The following FCHO2 variants were observed in gnomAD, a reference collection of about 807,000 sequenced individuals.
FCHO2 encodes F-BAR domain only protein 2.
Under a neutral mutation model 114.1 loss-of-function variants are expected in FCHO2, and 43 were observed. The observed-to-expected ratio is 0.38, with a 90% CI of 0.30 to 0.49. The LOEUF is 0.49. FCHO2 is among the 20% of genes least tolerant of loss of function. The pLI is 0.97. For missense variants in FCHO2, 807 were observed against 950.4 expected (o/e 0.85, Z 1.98); for synonymous variants, 293 against 315.2 (o/e 0.93, Z 0.75).
intron 10 of FCHO2, chr5:73,038,116 G>A (rs1317147706): frequency 6.5e-6 from 1 of 153,162 alleles, no homozygotes; most frequent in African/African-American, 2.4e-5. Flanking sequence ...TAATAAACAT[G>A]TAAGAAATTG....
At chr5:73,025,498 C>G (rs1198056060) in intron 8 of FCHO2, among the ~76,000 whole-genome samples, 1 of 151,792 alleles carries the variant, frequency 6.6e-6, no homozygotes, top group Non-Finnish European at 1.5e-5. Context: ...CTTGCCTCAT[C>G]CTCCCTAATA....
chr5:72,998,435 C>T (rs1021069331), intron 5 of FCHO2, among the ~76,000 whole-genome samples: 2 of 151,136 alleles, frequency 1.3e-5, no homozygotes, highest in East Asian at 1.9e-4. Flanking sequence ...TGCAGTGAGC[C>T]GAGATCGAGC....
chr5:73,013,686 A>G (rs2112734935), intron 6 of FCHO2, among the ~76,000 whole-genome samples: 1 of 152,158 alleles, frequency 6.6e-6, no homozygotes, highest in East Asian at 1.9e-4. Context: ...TTTTTTCTCC[A>G]AGATGGAGTC....
intron 8 of FCHO2, among the ~76,000 whole-genome samples, chr5:73,018,704 A>G (rs1395576521): frequency 1.3e-5 from 2 of 152,178 alleles, no homozygotes; most frequent in African/African-American, 4.8e-5. Context: ...GATCAGTGTC[A>G]GACATTCTTC....
chr5:73,008,546 A>G (rs901599531), intron 6 of FCHO2, among the ~76,000 whole-genome samples: 1 of 152,186 alleles, frequency 6.6e-6, no homozygotes, highest in African/African-American at 2.4e-5. Flanking sequence ...AATTTTGAAC[A>G]TGTTAATTTT....
At chr5:73,086,673 T>C (rs1382347281) in intron 24 of FCHO2, among the ~76,000 whole-genome samples, 1 of 152,224 alleles carries the variant, frequency 6.6e-6, no homozygotes, top group Non-Finnish European at 1.5e-5. Flanking sequence ...ACCTTGCATC[T>C]TGTGCTTCTC....
chr5:72,961,614 G>A (rs1427478308), intron 1 of FCHO2, among the ~76,000 whole-genome samples: 1 of 149,032 alleles, frequency 6.7e-6, no homozygotes, highest in Middle Eastern at 3.3e-3. Context: ...TTTTTTTTGA[G>A]ACGGAGTTTC....
chr5:72,975,313 A>G (rs1289821482), intron 2 of FCHO2, among the ~76,000 whole-genome samples: 1 of 152,132 alleles, frequency 6.6e-6, no homozygotes, highest in Non-Finnish European at 1.5e-5. Context: ...TAAACTTTGT[A>G]TACATTATCT....
Position 72,974,903 on chromosome 5 carries a change from T to A in FCHO2, c.125+6314T>A, listed in dbSNP as rs1380732704. 3.3e-5 allele frequency among the ~76,000 whole-genome samples: 5 copies of A among 152,190 alleles called. No individual in the cohort carries two copies. The South Asian group carries it at 8.3e-4, about 25-fold the overall frequency. On this transcript the variant is annotated intron_variant, in intron 2 of 25. Coordinates refer to ENST00000430046, the MANE Select transcript of FCHO2 (RefSeq NM_138782.3). ...AGCTCTTGTAGGGCAGGCCTGCTGG[T>A]GACAAAATCTCTCAGCATTTGCTTG...
At chr5:73,022,548 T>C (rs895559797) in intron 8 of FCHO2, among the ~76,000 whole-genome samples, 2 of 152,224 alleles carry the variant, frequency 1.3e-5, no homozygotes, top group African/African-American at 2.4e-5. Flanking sequence ...TCATGGCAGA[T>C]ACCGTTGCTA....
chr5:72,956,663 C>G (rs1228117481), intron 1 of FCHO2, among the ~76,000 whole-genome samples: 1 of 152,150 alleles, frequency 6.6e-6, no homozygotes, highest in Non-Finnish European at 1.5e-5. Context: ...CTCTCAGCCT[C>G]GCAGCTCGGC....
Position 73,088,165 on chromosome 5 carries a change from A to G in FCHO2, c.*75A>G, listed in dbSNP as rs1743373557. 1 of 1,575,784 alleles carries G rather than the reference A, an allele frequency of 6.3e-7. No homozygotes were observed. On this transcript the variant is annotated 3_prime_UTR_variant, in exon 26 of 26. Transcript: ENST00000430046. ...GCATTATCTGTTCTTTCCAAACACT[A>G]TTTTAACTTGTATGATGTCTTTCAA... is the stretch of plus-strand genomic sequence containing the variant.
chr5:72,989,423 A>G lies in FCHO2; in HGVS notation c.126-4A>G. The G allele has an allele frequency of 6.3e-7, 1 of 1,599,894 alleles. No homozygotes were observed. The highest frequency in any genetic ancestry group is 8.5e-7 in the Non-Finnish European group (1 of 1,172,226). On this transcript the variant is annotated splice_region_variant and splice_polypyrimidine_tract_variant and intron_variant, in intron 2 of 25. Coordinates refer to ENST00000430046, the MANE Select transcript of FCHO2 (RefSeq NM_138782.3). The stretch of plus-strand genomic sequence containing the variant: ...TATTATGATGTGGATATTTGATTTA[A>G]CAGAGCTACCATAGAGGAGGCATAC...
chr5:73,004,905 A>G (rs1295495369), intron 5 of FCHO2, among the ~76,000 whole-genome samples: 1 of 152,224 alleles, frequency 6.6e-6, no homozygotes, highest in Non-Finnish European at 1.5e-5. Context: ...TTATGTATGT[A>G]TAGGAAAAAA....
intron 17 of FCHO2, among the ~76,000 whole-genome samples, chr5:73,059,058 GTTTT>G (rs1580182310): frequency 6.6e-6 from 1 of 152,110 alleles, no homozygotes. Flanking sequence ...GTTGATAAAT[GTTTT>G]TTAGTTGTTT....
intron 2 of FCHO2, among the ~76,000 whole-genome samples, chr5:72,969,664 A>C (rs1752409007): frequency 6.6e-6 from 1 of 152,194 alleles, no homozygotes; most frequent in African/African-American, 2.4e-5. Flanking sequence ...TAGTCACCTT[A>C]AGAAGTCCAG....
rs575066653 is a variant in FCHO2, at chr5:73,024,478, C to T, written c.796+7170C>T. 2.9e-4 allele frequency among the ~76,000 whole-genome samples: 44 copies of T among 151,276 alleles called. 1 individual carries two copies. In the East Asian group the frequency reaches 7.2e-3, roughly 25 times the overall value. The stretch of plus-strand genomic sequence containing the variant: ...TTTTGGAGTCGGAGTCTCGCTCCGT[C>T]GCCCAGGCTGGAGTGCAGTGGCATG... On this transcript the variant is annotated intron_variant, in intron 8 of 25. Coordinates refer to ENST00000430046, the MANE Select transcript of FCHO2 (RefSeq NM_138782.3).
Position 73,088,760 on chromosome 5 carries a change from CAGTT to C in FCHO2, c.*676_*679del, listed in dbSNP as rs1383285627. The C allele has an allele frequency of 5.2e-5, 8 of 152,554 alleles. No individual in the cohort carries two copies. The highest frequency in any genetic ancestry group is 1.2e-4 in the African/African-American group (5 of 41,430). The allele number at this position is 152,554 out of a possible 1,614,324, so 9.5% of individuals were successfully genotyped here. Reference sequence around the variant, plus strand: ...ATGACAGCAGAGACATTTACTTCTGCAGTTAGTTAACTTTATAGGAGTTGTGATT... The same window carrying C: ...ATGACAGCAGAGACATTTACTTCTGCAGTTAACTTTATAGGAGTTGTGATT... On this transcript the variant is annotated 3_prime_UTR_variant, in exon 26 of 26. Transcript: ENST00000430046.
At chr5:72,998,836 T>G (rs957267011) in intron 5 of FCHO2, among the ~76,000 whole-genome samples, 2 of 151,632 alleles carry the variant, frequency 1.3e-5, no homozygotes, top group African/African-American at 2.4e-5. Flanking sequence ...TTTTTTTTTT[T>G]TGTCTAGAGA....
Sources: gnomAD v4.1 joint callset for allele counts (sites outside exome capture counted in the v4.1 genomes callset) on GRCh38, gnomAD v4.1.1 for gene constraint, MANE v1.5 for transcripts, NCBI Gene and HGNC (gene_info 2026-07-23, HGNC 2026-07-21) for gene names.